Variants in PARN observed in about 807,000 individuals in gnomAD.
PARN encodes the protein poly(A)-specific ribonuclease.
A neutral mutation model predicts 102.8 loss-of-function variants in PARN; 71 were observed. That is an observed-to-expected ratio of 0.69 (90% CI 0.57 to 0.84). PARN has a LOEUF of 0.84. PARN is among the 40% of genes least tolerant of loss of function. PARN has a pLI of 0.00. For missense variants in PARN, 782 were observed against 760.9 expected (o/e 1.03, Z -0.33); for synonymous variants, 261 against 252.9 (o/e 1.03, Z -0.30).
chr16:14,444,432 T>G (rs1961099414), intron 23 of PARN, among the ~76,000 whole-genome samples: 1 of 152,166 alleles, frequency 6.6e-6, no homozygotes, highest in South Asian at 2.1e-4. Context: ...AATTACAGTA[T>G]TATAAATTCA....
intron 5 of PARN, among the ~76,000 whole-genome samples, chr16:14,626,395 C>T (rs986259013): frequency 3.9e-5 from 6 of 152,106 alleles, no homozygotes; most frequent in African/African-American, 7.2e-5. Context: ...GTGATTCTCC[C>T]GTCTTGGCCT....
chr16:14,619,606 T>A (rs187060424), intron 5 of PARN, among the ~76,000 whole-genome samples: 3,124 of 151,618 alleles, frequency 0.021, 45 homozygotes, highest in Non-Finnish European at 0.032. Context: ...ACAAAAAATT[T>A]AAAAATTAGC....
At chr16:14,613,390 G>C (rs1971649558) in intron 6 of PARN, among the ~76,000 whole-genome samples, 1 of 151,840 alleles carries the variant, frequency 6.6e-6, no homozygotes, top group African/African-American at 2.4e-5. Flanking sequence ...GGGAGGCTGA[G>C]GAGGGCGCAT....
At chr16:14,593,983 T>A (rs1475940582) in intron 12 of PARN, among the ~76,000 whole-genome samples, 2 of 150,504 alleles carry the variant, frequency 1.3e-5, no homozygotes. Flanking sequence ...GGCAACAGAG[T>A]GAGACCCCGT....
chr16:14,521,698 AG>A (rs1965740207), intron 21 of PARN, among the ~76,000 whole-genome samples: 1 of 151,888 alleles, frequency 6.6e-6, no homozygotes, highest in Admixed American at 6.6e-5. Flanking sequence ...CACGGGAGGG[AG>A]GCTGAGGCAG....
intron 22 of PARN, among the ~76,000 whole-genome samples, chr16:14,450,370 T>A (rs1961397454): frequency 6.6e-6 from 1 of 152,114 alleles, no homozygotes; most frequent in African/African-American, 2.4e-5. Flanking sequence ...AATCAGTAAA[T>A]GTGCTGATGT....
At chr16:14,597,902 G>A (rs1227484512) in intron 12 of PARN, among the ~76,000 whole-genome samples, 1 of 152,134 alleles carries the variant, frequency 6.6e-6, no homozygotes, top group African/African-American at 2.4e-5. Flanking sequence ...CCAGTATCTT[G>A]GGAGGCTGAA....
At chr16:14,495,491 A>G (rs1322472941) in intron 21 of PARN, among the ~76,000 whole-genome samples, 1 of 152,212 alleles carries the variant, frequency 6.6e-6, no homozygotes, top group Non-Finnish European at 1.5e-5. Flanking sequence ...AACAGAGGTC[A>G]GAGTACTGAG....
At chr16:14,604,772 C>T (rs749415665) in intron 10 of PARN, among the ~76,000 whole-genome samples, 9 of 152,030 alleles carry the variant, frequency 5.9e-5, no homozygotes, top group Non-Finnish European at 8.8e-5. Context: ...CGCACCAATA[C>T]GCCCAGCTAA....
chr16:14,470,301 T>C (rs1962642797), intron 22 of PARN, among the ~76,000 whole-genome samples: 1 of 152,094 alleles, frequency 6.6e-6, no homozygotes, highest in African/African-American at 2.4e-5. Context: ...ATGGAAATAC[T>C]GAATTTTATT....
intron 21 of PARN, 110 bp from the exon 22 acceptor site, chr16:14,482,937 G>C: frequency 3.6e-6 from 3 of 828,212 alleles, no homozygotes; most frequent in Admixed American, 3.0e-5. Context: ...CATCAGGCCT[G>C]AGGTCTGACC....
chr16:14,538,501 G>A (rs1966712144), intron 21 of PARN, among the ~76,000 whole-genome samples: 1 of 152,132 alleles, frequency 6.6e-6, no homozygotes, highest in Admixed American at 6.5e-5. Flanking sequence ...GATTACAGGT[G>A]TCAGCCACCA....
intron 7 of PARN, 85 bp from the exon 8 acceptor site, chr16:14,609,208 T>G (rs867663108): frequency 1.5e-6 from 1 of 660,310 alleles, no homozygotes; most frequent in East Asian, 2.9e-5. Flanking sequence ...CCAAAAACAG[T>G]CTAACTATAA....
intron 21 of PARN, among the ~76,000 whole-genome samples, chr16:14,498,499 C>T (rs1474632932): frequency 1.3e-5 from 2 of 152,158 alleles, no homozygotes; most frequent in African/African-American, 4.8e-5. Context: ...GCCTGCCTCT[C>T]ACCTCTTCCC....
chr16:14,482,849 A>AT (rs769572761), intron 21 of PARN, 22 bp from the exon 22 acceptor site: 28 of 1,573,720 alleles, frequency 1.8e-5, no homozygotes, highest in Non-Finnish European at 2.2e-5. Context: ...AGAAAAAAAA[A>AT]TAAAATGCTT....
chr16:14,465,328 C>G (rs1355142950), intron 22 of PARN, among the ~76,000 whole-genome samples: 1 of 152,158 alleles, frequency 6.6e-6, no homozygotes. Flanking sequence ...AGTGATCCTC[C>G]CAATGTGGTC....
intron 16 of PARN, among the ~76,000 whole-genome samples, chr16:14,583,503 C>G (rs1255283130): frequency 6.6e-6 from 1 of 152,166 alleles, no homozygotes; most frequent in Non-Finnish European, 1.5e-5. Flanking sequence ...TCAACTGAGA[C>G]ACATTCTTTC....
chr16:14,499,870 A>G (rs188057923), intron 21 of PARN, among the ~76,000 whole-genome samples: 16 of 152,360 alleles, frequency 1.1e-4, no homozygotes, highest in Non-Finnish European at 1.6e-4. Context: ...TAAAAACAAT[A>G]TTAATACAAT....
chr16:14,565,862 G>A (rs890463850), intron 18 of PARN, among the ~76,000 whole-genome samples: 2 of 152,170 alleles, frequency 1.3e-5, no homozygotes, highest in Non-Finnish European at 2.9e-5. Context: ...TATGAGGGCT[G>A]CCTTTAGAAA....
Sources: gnomAD v4.1 joint callset for allele counts (sites outside exome capture counted in the v4.1 genomes callset) on GRCh38, gnomAD v4.1.1 for gene constraint, MANE v1.5 for transcripts, NCBI Gene and HGNC (gene_info 2026-07-23, HGNC 2026-07-21) for gene names.